The following ZNF438 variants were observed in gnomAD, a reference collection of about 807,000 sequenced individuals.
ZNF438 encodes the protein zinc finger protein 438.
A neutral mutation model predicts 38.0 loss-of-function variants in ZNF438; 25 were observed. The ratio of observed to expected loss-of-function variants is 0.66; its 90% CI spans 0.48 to 0.92. The LOEUF (loss-of-function observed/expected upper bound fraction) is 0.92, where lower values mean the gene tolerates loss of function less well. Among genes scored for constraint, ZNF438 ranks in the 40% least tolerant of loss-of-function variants. ZNF438 has a pLI of 0.00. For missense variants in ZNF438, 1,007 were observed against 999.6 expected (o/e 1.01, Z -0.10); for synonymous variants, 372 against 364.1 (o/e 1.02, Z -0.25).
At chr10:30,991,029 T>G (rs753345665) in intron 1 of ZNF438, among the ~76,000 whole-genome samples, 2 of 152,184 alleles carry the variant, frequency 1.3e-5, no homozygotes, top group Non-Finnish European at 2.9e-5. Flanking sequence ...TGGAGAAACA[T>G]GCATTCAAGA....
exon 5 of ZNF438, chr10:30,849,526 T>C: frequency 1.2e-6 from 2 of 1,614,262 alleles, no homozygotes; most frequent in Non-Finnish European, 8.5e-7. Context: ...AGGGTGGGAT[T>C]GGCAGTTTCC....
intron 2 of ZNF438, among the ~76,000 whole-genome samples, chr10:30,923,727 T>C (rs2044594365): frequency 6.6e-6 from 1 of 152,230 alleles, no homozygotes; most frequent in Admixed American, 6.5e-5. Flanking sequence ...TTTTATATTG[T>C]CATTATATAA....
In ZNF438 at chr10:30,950,354, C is replaced by T. The variant is rs2048019392; in HGVS notation, c.-191-8703G>A. Among the ~76,000 whole-genome samples the T allele has an allele frequency of 4.0e-5, 6 of 149,240 alleles. No individual in the cohort carries two copies. The South Asian group carries it at 1.3e-3, about 32-fold the overall frequency. ...ATTAAAAGAACTAGAAAAGCAAGAGCAAACACATTCAAAAGCTAGCAGAAG... is the reference window on the plus strand; with the variant it reads ...ATTAAAAGAACTAGAAAAGCAAGAGTAAACACATTCAAAAGCTAGCAGAAG... On this transcript the variant is annotated intron_variant, in intron 1 of 5. Coordinates refer to ENST00000413025, the Ensembl canonical transcript of ZNF438.
At chr10:30,869,550 T>C (rs1352575879) in intron 4 of ZNF438, among the ~76,000 whole-genome samples, 2 of 152,244 alleles carry the variant, frequency 1.3e-5, no homozygotes, top group Non-Finnish European at 2.9e-5. Flanking sequence ...GTCATTTCCA[T>C]TTATTCTAAA....
intron 4 of ZNF438, among the ~76,000 whole-genome samples, chr10:30,853,302 T>C (rs78162049): frequency 0.025 from 3,813 of 152,296 alleles, 68 homozygotes; most frequent in Non-Finnish European, 0.038. Flanking sequence ...TAGCACAAGA[T>C]CTATGACTTC....
chr10:30,864,280 A>G (rs1456169929), intron 4 of ZNF438, among the ~76,000 whole-genome samples: 2 of 152,210 alleles, frequency 1.3e-5, no homozygotes, highest in Non-Finnish European at 2.9e-5. Flanking sequence ...AAAAAGGTGC[A>G]TCTGAAAATA....
intron 1 of ZNF438, among the ~76,000 whole-genome samples, chr10:31,017,237 A>AGATTCTGTTCTCT (rs2056265661): frequency 6.6e-6 from 1 of 152,250 alleles, no homozygotes; most frequent in Non-Finnish European, 1.5e-5. Context: ...GGTTCATTTC[A>AGATTCTGTTCTCT]GATTCTGTTC....
chr10:30,985,217 C>T (rs1011478642), intron 1 of ZNF438, among the ~76,000 whole-genome samples: 1 of 152,204 alleles, frequency 6.6e-6, no homozygotes, highest in Non-Finnish European at 1.5e-5. Flanking sequence ...GGACAGCTAA[C>T]TCCTCCAGTC....
At chr10:30,925,001 G>A (rs1406077538) in intron 2 of ZNF438, among the ~76,000 whole-genome samples, 2 of 152,002 alleles carry the variant, frequency 1.3e-5, no homozygotes, top group African/African-American at 4.8e-5. Context: ...GTTGCTGCTC[G>A]TCTATAGAAA....
rs563189482 is a variant in ZNF438 at position 31,010,892 on chromosome 10, G to GAAAAAAAAAAA, written c.-192+20930_-192+20940dup. Among the ~76,000 whole-genome samples, 352 of 92,550 alleles carry GAAAAAAAAAAA rather than the reference G, an allele frequency of 3.8e-3. 11 individuals are homozygous for GAAAAAAAAAAA. Among genetic ancestry groups the GAAAAAAAAAAA allele is most frequent in the Non-Finnish European group, 4.6e-3 (238 of 51,796 alleles). 60.7% of individuals were successfully genotyped at this position (92,550 alleles called of 152,430 possible). ...TGGATAACGAAGTGAGACCCTGTTT[G>GAAAAAAAAAAA]AAAAAAAAAAAAAAAAAAAAAAAAA... is the stretch of plus-strand genomic sequence containing the variant. On this transcript the variant is annotated intron_variant, in intron 1 of 5. Coordinates refer to ENST00000413025, the Ensembl canonical transcript of ZNF438.
At chr10:31,007,261 A>C (rs1450801254) in intron 1 of ZNF438, among the ~76,000 whole-genome samples, 1 of 151,160 alleles carries the variant, frequency 6.6e-6, no homozygotes, top group Non-Finnish European at 1.5e-5. Context: ...TTTAAGTCAC[A>C]AAGGTTTTTT....
At chr10:31,003,183 C>T (rs1453174437) in intron 1 of ZNF438, among the ~76,000 whole-genome samples, 1 of 152,042 alleles carries the variant, frequency 6.6e-6, no homozygotes, top group African/African-American at 2.4e-5. Context: ...AAAACCTGTC[C>T]CATCCCAAAT....
intron 3 of ZNF438, among the ~76,000 whole-genome samples, chr10:30,895,362 A>G (rs563673548): frequency 6.5e-4 from 99 of 152,356 alleles, no homozygotes; most frequent in Middle Eastern, 3.4e-3. Context: ...TTTGTCTTGC[A>G]GTAGTTATTT....
At chr10:30,912,800 T>G (rs2043215862) in intron 2 of ZNF438, among the ~76,000 whole-genome samples, 2 of 152,180 alleles carry the variant, frequency 1.3e-5, no homozygotes, top group Admixed American at 6.5e-5. Context: ...TTATTACTAT[T>G]TGACCTTTCC....
intron 1 of ZNF438, among the ~76,000 whole-genome samples, chr10:30,964,502 A>G (rs2049900227): frequency 6.6e-6 from 1 of 152,232 alleles, no homozygotes; most frequent in Non-Finnish European, 1.5e-5. Context: ...ATCTCTGGAG[A>G]GTCCACAATA....
At chr10:30,997,273 G>T (rs2054149024) in intron 1 of ZNF438, among the ~76,000 whole-genome samples, 1 of 152,150 alleles carries the variant, frequency 6.6e-6, no homozygotes, top group Non-Finnish European at 1.5e-5. Context: ...GAATCAGGTG[G>T]TTATTGCTGT....
At chr10:30,868,329 C>T (rs1008798843) in intron 4 of ZNF438, among the ~76,000 whole-genome samples, 1 of 152,134 alleles carries the variant, frequency 6.6e-6, no homozygotes, top group African/African-American at 2.4e-5. Context: ...CCTCAGCCTC[C>T]CAAAGTGCTG....
intron 1 of ZNF438, among the ~76,000 whole-genome samples, chr10:31,021,950 C>T (rs920718089): frequency 7.9e-5 from 12 of 152,144 alleles, no homozygotes; most frequent in Non-Finnish European, 1.6e-4. Flanking sequence ...ATTCTACGGT[C>T]GTTTGGCATT....
At chr10:30,976,268 T>G (rs558865255) in intron 1 of ZNF438, among the ~76,000 whole-genome samples, 2 of 152,334 alleles carry the variant, frequency 1.3e-5, no homozygotes, top group South Asian at 4.1e-4. Context: ...TAAATATTTG[T>G]TAAGAGACAA....
Sources: allele counts gnomAD v4.1 joint callset (sites outside exome capture counted in the v4.1 genomes callset), GRCh38; gene constraint gnomAD v4.1.1; transcripts MANE v1.5; gene names NCBI Gene and HGNC (gene_info 2026-07-23, HGNC 2026-07-21).